SGPL1: variants seen among roughly 807,000 people sequenced by gnomAD.
SGPL1 encodes SP-lyase 1.
Under a neutral mutation model 68.9 loss-of-function variants are expected in SGPL1, and 37 were observed. The ratio of observed to expected loss-of-function variants is 0.54; its 90% CI spans 0.41 to 0.71. The LOEUF (loss-of-function observed/expected upper bound fraction) is 0.71, where lower values mean the gene tolerates loss of function less well. Among genes scored for constraint, SGPL1 ranks in the 30% least tolerant of loss-of-function variants. SGPL1 has a pLI of 0.00. For synonymous variants in SGPL1, 236 were observed against 248.5 expected (o/e 0.95, Z 0.47); for missense variants, 551 against 704.6 (o/e 0.78, Z 2.47).
At chr10:70,825,783 A>T (rs1390192335) in intron 2 of SGPL1, among the ~76,000 whole-genome samples, 1 of 152,208 alleles carries the variant, frequency 6.6e-6, no homozygotes, top group Non-Finnish European at 1.5e-5. Flanking sequence ...AAAATTTTTC[A>T]TGTGTCCAGA....
At chr10:70,842,612 A>G (rs1265040433) in intron 2 of SGPL1, among the ~76,000 whole-genome samples, 4 of 151,810 alleles carry the variant, frequency 2.6e-5, no homozygotes, top group South Asian at 2.1e-4. Flanking sequence ...CAAGAAAGAG[A>G]GTGGGGGGAG....
chr10:70,833,298 T>G (rs1427392998), intron 2 of SGPL1, among the ~76,000 whole-genome samples: 1 of 152,236 alleles, frequency 6.6e-6, no homozygotes, highest in East Asian at 1.9e-4. Flanking sequence ...CTTAAGCTTT[T>G]TGAGACGAAC....
intron 2 of SGPL1, among the ~76,000 whole-genome samples, chr10:70,830,141 A>T (rs963783626): frequency 6.6e-6 from 1 of 152,186 alleles, no homozygotes; most frequent in Non-Finnish European, 1.5e-5. Context: ...GAATCCAAAG[A>T]ATCTTAGGTG....
At chr10:70,865,906 A>G (rs1407444833) in intron 7 of SGPL1, among the ~76,000 whole-genome samples, 1 of 152,250 alleles carries the variant, frequency 6.6e-6, no homozygotes, top group Admixed American at 6.5e-5. Context: ...TCTGAAATAC[A>G]TATCATATGT....
chr10:70,831,529 T>C lies in SGPL1; in HGVS notation c.28-12944T>C, dbSNP rs147874734. Among the ~76,000 whole-genome samples the C allele has an allele frequency of 4.6e-5, 7 of 152,222 alleles. No individual in the cohort carries two copies. The South Asian group carries it at 8.3e-4, about 18-fold the overall frequency. On this transcript the variant is annotated intron_variant, in intron 2 of 14. Coordinates refer to ENST00000373202, the MANE Select transcript of SGPL1 (RefSeq NM_003901.4). ...ACAGCTCACAGAACTCAGGGAAACATTTACTTAGGTTTACAGGTTTATTTT... is the reference window on the plus strand; with the variant it reads ...ACAGCTCACAGAACTCAGGGAAACACTTACTTAGGTTTACAGGTTTATTTT...
At chr10:70,843,203 T>G (rs1449308679) in intron 2 of SGPL1, among the ~76,000 whole-genome samples, 2 of 152,180 alleles carry the variant, frequency 1.3e-5, no homozygotes, top group Non-Finnish European at 2.9e-5. Context: ...CTCATATGCT[T>G]TTTGTGGCTA....
intron 2 of SGPL1, among the ~76,000 whole-genome samples, chr10:70,844,129 T>TG (rs1426129139): frequency 6.6e-6 from 1 of 152,154 alleles, no homozygotes; most frequent in African/African-American, 2.4e-5. Context: ...ACATTGATAT[T>TG]GGGGGTATTA....
intron 4 of SGPL1, among the ~76,000 whole-genome samples, chr10:70,853,918 G>T (rs147929956): frequency 6.6e-6 from 1 of 152,212 alleles, no homozygotes; most frequent in Non-Finnish European, 1.5e-5. Flanking sequence ...TGTGCTGCGT[G>T]TATGTCTGTT....
At chr10:70,832,057 T>C (rs1845549154) in intron 2 of SGPL1, among the ~76,000 whole-genome samples, 1 of 152,194 alleles carries the variant, frequency 6.6e-6, no homozygotes, top group Non-Finnish European at 1.5e-5. Flanking sequence ...CCAGGAACCA[T>C]GGATGCAAAC....
Position 70,873,401 on chromosome 10 carries a change from G to A in SGPL1, c.1110G>A (p.Lys370=), listed in dbSNP as rs753635899. The A allele has an allele frequency of 2.5e-6, 4 of 1,614,168 alleles. No homozygotes were observed. Among genetic ancestry groups the A allele is most frequent in the East Asian group, 4.5e-5 (2 of 44,906 alleles). Residue 370 remains lysine, a synonymous_variant, in exon 12 of 15, where the codon AAG becomes AAA. Transcript: ENST00000373202. ...CATTGGTGTTGTATAGTGACAAGAA[G>A]TACAGGAACTATCAGTTCTTCGTCG... The part of the protein sequence containing the change: ...GSSLVLYSDK[K]YRNYQFFVDT...
intron 14 of SGPL1, 128 bp downstream of exon 14, chr10:70,876,789 G>A: frequency 2.4e-6 from 2 of 831,300 alleles, no homozygotes; most frequent in Non-Finnish European, 3.8e-6. Flanking sequence ...TTTATTTGTT[G>A]ACTGGAGCTG....
intron 3 of SGPL1, among the ~76,000 whole-genome samples, chr10:70,847,696 T>C (rs773754466): frequency 1.4e-4 from 21 of 152,224 alleles, no homozygotes; most frequent in South Asian, 6.2e-4. Flanking sequence ...ACACTTTCAT[T>C]TGGTAATTTC....
rs4447092 is a variant in SGPL1 at position 70,819,810 on chromosome 10, T to C, written c.27+2930T>C. 5.0e-3 allele frequency among the ~76,000 whole-genome samples: 758 copies of C among 152,222 alleles called. 9 individuals are homozygous for C. Among genetic ancestry groups the C allele is most frequent in the African/African-American group, 0.017 (707 of 41,510 alleles). ...CATGCCCGGCTGATTTTTGTATTTA[T>C]TTTTTGTAGAGATGGTAGTTTGCCA... is the stretch of plus-strand genomic sequence containing the variant. On this transcript the variant is annotated intron_variant, in intron 2 of 14. Transcript: ENST00000373202.
intron 2 of SGPL1, among the ~76,000 whole-genome samples, chr10:70,822,795 CTTT>C (rs79983712): frequency 9.6e-5 from 13 of 136,052 alleles, no homozygotes; most frequent in Non-Finnish European, 8.0e-5. Flanking sequence ...CATTATCACT[CTTT>C]TTTTTTTTTT....
chr10:70,867,989 A>T (rs1026122524), intron 7 of SGPL1, among the ~76,000 whole-genome samples: 2 of 152,368 alleles, frequency 1.3e-5, no homozygotes, highest in African/African-American at 4.8e-5. Flanking sequence ...TTGAAAATTT[A>T]AATTAAAATT....
chr10:70,848,162 C>T (rs978460804), intron 3 of SGPL1, among the ~76,000 whole-genome samples: 4 of 152,166 alleles, frequency 2.6e-5, no homozygotes, highest in Non-Finnish European at 4.4e-5. Flanking sequence ...CCTTGGGTGA[C>T]ACCCTTAAGC....
At chr10:70,857,415 A>G (rs1845983038) in intron 5 of SGPL1, 199 bp from the exon 6 acceptor site, 1 of 504,926 alleles carries the variant, frequency 2.0e-6, no homozygotes, top group African/African-American at 2.0e-5. Flanking sequence ...ATTGCTGATA[A>G]TAATGATTTT....
At chr10:70,823,925 G>C (rs1845386755) in intron 2 of SGPL1, among the ~76,000 whole-genome samples, 1 of 152,100 alleles carries the variant, frequency 6.6e-6, no homozygotes, top group African/African-American at 2.4e-5. Context: ...AAGCTTTCTA[G>C]TCTATTTCAA....
At chr10:70,877,126 A>T (rs1460034405) in intron 14 of SGPL1, 69 bp from the exon 15 acceptor site, 14 of 1,508,418 alleles carry the variant, frequency 9.3e-6, no homozygotes, top group Non-Finnish European at 1.3e-5. Flanking sequence ...GAAGGGGCTC[A>T]TTGCTGCAGT....
Sources: gnomAD v4.1 joint callset for allele counts (sites outside exome capture counted in the v4.1 genomes callset) on GRCh38, gnomAD v4.1.1 for gene constraint, MANE v1.5 for transcripts, NCBI Gene and HGNC (gene_info 2026-07-23, HGNC 2026-07-21) for gene names.